Variants in ESRRG observed in about 807,000 individuals in gnomAD.
ESRRG encodes the protein estrogen related receptor gamma.
Under a neutral mutation model 44.0 loss-of-function variants are expected in ESRRG, and 13 were observed. That is an observed-to-expected ratio of 0.30 (90% CI 0.19 to 0.47). ESRRG has a LOEUF of 0.47. ESRRG is among the 20% of genes least tolerant of loss of function. ESRRG has a pLI of 1.00. For missense variants in ESRRG, 395 were observed against 580.6 expected, an observed-to-expected ratio of 0.68 and a Z score of 3.29; for synonymous variants, 215 against 214.6, an observed-to-expected ratio of 1.00 and a Z score of -0.02.
chr1:216,789,035 T>A (rs1477255347), intron 2 of ESRRG, among the ~76,000 whole-genome samples: 1 of 152,148 alleles, frequency 6.6e-6, no homozygotes, highest in Non-Finnish European at 1.5e-5. Flanking sequence ...GGAATCTACT[T>A]CTTGTGAAAA....
chr1:216,880,341 A>G (rs926129143), intron 2 of ESRRG, among the ~76,000 whole-genome samples: 3 of 143,658 alleles, frequency 2.1e-5, no homozygotes, highest in Non-Finnish European at 3.0e-5. Flanking sequence ...AAAAGTTTTC[A>G]TGCACCTTAA....
At chr1:217,018,600 T>G (rs1171896674) in intron 1 of ESRRG, among the ~76,000 whole-genome samples, 3 of 152,204 alleles carry the variant, frequency 2.0e-5, no homozygotes, top group African/African-American at 7.2e-5. Context: ...TGACTTGCAT[T>G]TGTGAATATA....
intron 2 of ESRRG, among the ~76,000 whole-genome samples, chr1:216,932,509 C>T (rs973418676): frequency 4.6e-5 from 7 of 151,862 alleles, no homozygotes; most frequent in South Asian, 2.1e-4. Context: ...CTAGGATTTG[C>T]GTCCTCGCAC....
intron 5 of ESRRG, among the ~76,000 whole-genome samples, chr1:216,548,493 T>G (rs1447006447): frequency 6.6e-6 from 1 of 152,106 alleles, no homozygotes; most frequent in African/African-American, 2.4e-5. Context: ...ATGGACTTGT[T>G]TAACCTATAC....
At chr1:216,539,449 T>C (rs190028707) in intron 5 of ESRRG, among the ~76,000 whole-genome samples, 10 of 152,092 alleles carry the variant, frequency 6.6e-5, no homozygotes, top group Admixed American at 4.6e-4. Context: ...TCAGTTCCCC[T>C]TCCCCCCTAC....
chr1:217,086,922 T>A (rs567155892), intron 1 of ESRRG, among the ~76,000 whole-genome samples: 255 of 66,518 alleles, frequency 3.8e-3, no homozygotes, highest in Non-Finnish European at 8.9e-3. Flanking sequence ...CACAAGACAT[T>A]TTTTTTTTAA....
At position 217,134,720 on chromosome 1, in the gene ESRRG, C is replaced by A. The variant is rs189962578; in HGVS notation, c.-230+2947G>T. The stretch of plus-strand genomic sequence containing the variant: ...CTTCCCCGCGTGTTTGGCGCGGCTA[C>A]GTTTCTCTTGCTCCGGGCTGAGGCT... On this transcript the variant is annotated intron_variant, in intron 1 of 8. Coordinates refer to the ESRRG transcript ENST00000366940. 8.3e-4 allele frequency among the ~76,000 whole-genome samples: 127 copies of A among 152,348 alleles called. 1 individual carries two copies. The highest frequency in any genetic ancestry group is 3.0e-3 in the African/African-American group (123 of 41,602).
chr1:216,727,712 G>A (rs2087831687), upstream of ESRRG, among the ~76,000 whole-genome samples: 1 of 152,032 alleles, frequency 6.6e-6, no homozygotes, highest in African/African-American at 2.4e-5. Flanking sequence ...CATTTCTGCT[G>A]AAAGTGATCG....
At chr1:216,644,628 G>A (rs1320812834) in intron 3 of ESRRG, among the ~76,000 whole-genome samples, 1 of 151,302 alleles carries the variant, frequency 6.6e-6, no homozygotes, top group Non-Finnish European at 1.5e-5. Context: ...TAGAAATGAG[G>A]GTTTCATCAC....
intron 3 of ESRRG, among the ~76,000 whole-genome samples, chr1:216,635,828 T>C (rs1413953821): frequency 6.6e-6 from 1 of 152,038 alleles, no homozygotes; most frequent in Non-Finnish European, 1.5e-5. Context: ...GCTGTGAACA[T>C]AGCACTTGGT....
chr1:216,732,021 A>G (rs1275205246), intron 2 of ESRRG, among the ~76,000 whole-genome samples: 1 of 152,106 alleles, frequency 6.6e-6, no homozygotes, highest in Non-Finnish European at 1.5e-5. Flanking sequence ...TTTAATTTTT[A>G]TATGTTTAAA....
chr1:217,024,356 T>TAA (rs34483403), intron 1 of ESRRG, among the ~76,000 whole-genome samples: 10 of 142,770 alleles, frequency 7.0e-5, no homozygotes, highest in African/African-American at 1.6e-4. Context: ...AGAGTCCATT[T>TAA]AAAAAAAAAA....
intron 6 of ESRRG, among the ~76,000 whole-genome samples, chr1:216,514,372 T>C (rs1178280187): frequency 1.3e-5 from 2 of 152,144 alleles, no homozygotes; most frequent in African/African-American, 4.8e-5. Flanking sequence ...TTATGGTTTG[T>C]TCTGGGTAAA....
At position 216,504,540 on chromosome 1, in the gene ESRRG, G is replaced by A. The variant is rs2040883335; in HGVS notation, c.*2399C>T. ...AGATACACAGTATTCCTAGCACTGG[G>A]TTGATGTTTCATCAACCCAAGGTAT... On this transcript the variant is annotated 3_prime_UTR_variant, in exon 7 of 7. Transcript: ENST00000408911. 6.6e-6 allele frequency: 1 copy of A among 152,434 alleles called. No individual in the cohort carries two copies. The highest frequency in any genetic ancestry group is 1.5e-5 in the Non-Finnish European group (1 of 67,998). The allele number at this position is 152,434 out of a possible 1,614,324, so 9.4% of individuals were successfully genotyped here. A position where few individuals can be genotyped will look rare whatever the true frequency, so the allele number is the denominator to read the frequency against.
At chr1:216,903,092 T>C (rs903178171) in intron 2 of ESRRG, among the ~76,000 whole-genome samples, 1 of 152,230 alleles carries the variant, frequency 6.6e-6, no homozygotes, top group African/African-American at 2.4e-5. Flanking sequence ...TTTGTGTGTA[T>C]GTGTATACAT....
intron 1 of ESRRG, among the ~76,000 whole-genome samples, chr1:217,016,116 G>T (rs2079343465): frequency 1.3e-5 from 2 of 152,020 alleles, no homozygotes; most frequent in African/African-American, 4.8e-5. Context: ...AATAAAAGAG[G>T]TTAGGAAAAG....
At chr1:216,597,072 A>G (rs1367701213) in intron 3 of ESRRG, among the ~76,000 whole-genome samples, 1 of 152,222 alleles carries the variant, frequency 6.6e-6, no homozygotes, top group East Asian at 1.9e-4. Context: ...AGTAATAAAC[A>G]GAACCCACAT....
At chr1:216,847,654 TC>T (rs1179801794) in intron 2 of ESRRG, among the ~76,000 whole-genome samples, 2 of 152,070 alleles carry the variant, frequency 1.3e-5, no homozygotes, top group Non-Finnish European at 2.9e-5. Context: ...GCATATTGTC[TC>T]TCTCTAAACT....
rs1217025239 is a variant in ESRRG at position 216,507,081 on chromosome 1, C to T, written c.1235G>A (p.Arg412His). 19 of 1,613,990 alleles carry T rather than the reference C, an allele frequency of 1.2e-5. No homozygotes were observed. The highest frequency in any genetic ancestry group is 1.4e-5 in the Non-Finnish European group (17 of 1,180,044). The change falls in exon 7 of 7, where the codon CGT (arginine) becomes CAT (histidine). Residue 412 changes from arginine (R) to histidine (H), a missense_variant. By Grantham distance (29) the Arg-to-His change is conservative. Coordinates refer to ENST00000408911, the MANE Select transcript of ESRRG (RefSeq NM_001438.4). ...YEAGQHMEDPRRAGKMLMTLP... is the reference protein window; with the variant it reads ...YEAGQHMEDPHRAGKMLMTLP... ...TGTCATCAGCATCTTGCCAGCTCGA[C>T]GAGGGTCTTCCATGTGCTGGCCAGC... is the stretch of plus-strand genomic sequence containing the variant.
Sources: gnomAD v4.1 joint callset for allele counts (sites outside exome capture counted in the v4.1 genomes callset) on GRCh38, gnomAD v4.1.1 for gene constraint, MANE v1.5 for transcripts, NCBI Gene and HGNC (gene_info 2026-07-23, HGNC 2026-07-21) for gene names.